DLC1: variants seen among roughly 807,000 people sequenced by gnomAD.
The protein encoded by DLC1 is rho GTPase-activating protein 7.
Under a neutral mutation model 140.3 loss-of-function variants are expected in DLC1, and 54 were observed. That is an observed-to-expected ratio of 0.38 (90% CI 0.31 to 0.48). The LOEUF (loss-of-function observed/expected upper bound fraction) is 0.48, where lower values mean the gene tolerates loss of function less well. Among genes scored for constraint, DLC1 ranks in the 20% least tolerant of loss-of-function variants. The probability of loss-of-function intolerance (pLI) is 0.96; values close to 1 mark genes in which losing one functional copy is unlikely to be tolerated. For missense variants in DLC1, 2,536 were observed against 1,907.0 expected, an observed-to-expected ratio of 1.33 and a Z score of -6.14; for synonymous variants, 986 against 728.1, an observed-to-expected ratio of 1.35 and a Z score of -5.70.
intron 5 of DLC1, among the ~76,000 whole-genome samples, chr8:13,191,255 C>T (rs572124557): frequency 6.6e-6 from 1 of 152,158 alleles, no homozygotes; most frequent in African/African-American, 2.4e-5. Flanking sequence ...GCCTGTAATC[C>T]CAGCACTTTG....
At chr8:13,439,644 C>G (rs1014566876) in intron 2 of DLC1, among the ~76,000 whole-genome samples, 1 of 152,084 alleles carries the variant, frequency 6.6e-6, no homozygotes, top group South Asian at 2.1e-4. Context: ...AAAATCTAGA[C>G]CAGTTATTAT....
At chr8:13,526,761 A>G (rs1307124768) in intron 1 of DLC1, among the ~76,000 whole-genome samples, 6 of 150,734 alleles carry the variant, frequency 4.0e-5, no homozygotes, top group East Asian at 2.0e-4. Flanking sequence ...ATCACACACC[A>G]GGGCCTGCCA....
intron 2 of DLC1, among the ~76,000 whole-genome samples, chr8:13,438,579 C>G (rs1323760297): frequency 6.6e-6 from 1 of 152,164 alleles, no homozygotes; most frequent in African/African-American, 2.4e-5. Context: ...AAGACCTCAT[C>G]TCCTACCACC....
At chr8:13,123,313 C>G (rs968089181) in intron 5 of DLC1, among the ~76,000 whole-genome samples, 1 of 151,750 alleles carries the variant, frequency 6.6e-6, no homozygotes, top group Non-Finnish European at 1.5e-5. Flanking sequence ...CATGCCCTGT[C>G]CCCCTGCTCC....
chr8:13,519,305 T>G (rs1362109296), upstream of DLC1, among the ~76,000 whole-genome samples: 1 of 152,126 alleles, frequency 6.6e-6, no homozygotes, highest in African/African-American at 2.4e-5. Context: ...TTTTTTTGTA[T>G]TTTTAGTAGA....
intron 2 of DLC1, among the ~76,000 whole-genome samples, chr8:13,433,196 T>TG (rs1242225788): frequency 6.6e-6 from 1 of 151,982 alleles, no homozygotes; most frequent in Non-Finnish European, 1.5e-5. Context: ...ATGTGCACAT[T>TG]TGTGAGGAGA....
intron 4 of DLC1, among the ~76,000 whole-genome samples, chr8:13,335,556 G>C (rs1248694046): frequency 6.6e-6 from 1 of 152,122 alleles, no homozygotes. Flanking sequence ...CTCGATTGAA[G>C]TTTCTCAAAG....
At chr8:13,474,431 G>T (rs1483503509) in intron 2 of DLC1, among the ~76,000 whole-genome samples, 1 of 152,204 alleles carries the variant, frequency 6.6e-6, no homozygotes, top group African/African-American at 2.4e-5. Flanking sequence ...AGTGCAGAAG[G>T]AAAATGTGGG....
intron 7 of DLC1, among the ~76,000 whole-genome samples, chr8:13,108,648 A>G (rs910187403): frequency 6.6e-6 from 1 of 152,228 alleles, no homozygotes; most frequent in Non-Finnish European, 1.5e-5. Flanking sequence ...TTATGACCCA[A>G]GAATTCCTAA....
intron 16 of DLC1, among the ~76,000 whole-genome samples, chr8:13,087,954 G>C (rs527676035): frequency 9.8e-5 from 15 of 152,288 alleles, no homozygotes; most frequent in African/African-American, 2.6e-4. Flanking sequence ...TCATTGGAAG[G>C]GGCCTCTCTT....
chr8:13,211,169 A>G (rs762238290), intron 5 of DLC1, among the ~76,000 whole-genome samples: 3 of 152,202 alleles, frequency 2.0e-5, no homozygotes, highest in Non-Finnish European at 4.4e-5. Flanking sequence ...CCTGGAAGTT[A>G]CATTATGTGG....
intron 1 of DLC1, among the ~76,000 whole-genome samples, chr8:13,529,027 G>A (rs758798102): frequency 5.3e-4 from 81 of 152,220 alleles, no homozygotes; most frequent in Admixed American, 9.8e-4. Flanking sequence ...TCTTCTAGAC[G>A]AGGGAAGTAA....
chr8:13,565,860 TGTG>T, intron 1 of DLC1, among the ~76,000 whole-genome samples: 1 of 152,362 alleles, frequency 6.6e-6, no homozygotes, highest in East Asian at 1.9e-4. Flanking sequence ...AAAACTCTAC[TGTG>T]TTTTTTAAAT....
At chr8:13,147,672 A>AT (rs932023007) in intron 5 of DLC1, among the ~76,000 whole-genome samples, 17 of 149,226 alleles carry the variant, frequency 1.1e-4, no homozygotes, top group South Asian at 2.1e-4. Flanking sequence ...TATTATTATT[A>AT]TTTTTTTTTT....
chr8:13,093,340 G>C (rs1818243134), intron 12 of DLC1, among the ~76,000 whole-genome samples: 1 of 152,004 alleles, frequency 6.6e-6, no homozygotes, highest in African/African-American at 2.4e-5. Flanking sequence ...TTCTTGAAGT[G>C]GGAAAAGCTG....
intron 4 of DLC1, among the ~76,000 whole-genome samples, chr8:13,329,938 G>C (rs749875892): frequency 4.6e-5 from 7 of 152,010 alleles, no homozygotes; most frequent in Non-Finnish European, 8.8e-5. Flanking sequence ...AAAGAACATT[G>C]CTTCATTATC....
intron 5 of DLC1, among the ~76,000 whole-genome samples, chr8:13,126,762 C>G (rs551148473): frequency 3.3e-5 from 5 of 152,194 alleles, no homozygotes; most frequent in Non-Finnish European, 7.3e-5. Context: ...AAAGCTTATT[C>G]TACGAGGGGC....
intron 2 of DLC1, among the ~76,000 whole-genome samples, chr8:13,451,049 A>AAAAAAAAAAAAAAAAAAAAG: frequency 6.8e-6 from 1 of 146,534 alleles, no homozygotes; most frequent in African/African-American, 2.5e-5. Flanking sequence ...AAAAAAAAAA[A>AAAAAAAAAAAAAAAAAAAAG]AAAAAAAAAA....
At chr8:13,581,745 G>A (rs1805106593) in intron 1 of DLC1, among the ~76,000 whole-genome samples, 1 of 152,144 alleles carries the variant, frequency 6.6e-6, no homozygotes, top group African/African-American at 2.4e-5. Context: ...GCTTCCCATA[G>A]AATAACACCC....
Sources: allele counts gnomAD v4.1 joint callset (sites outside exome capture counted in the v4.1 genomes callset), GRCh38; gene constraint gnomAD v4.1.1; transcripts MANE v1.5; gene names NCBI Gene and HGNC (gene_info 2026-07-23, HGNC 2026-07-21).